The following SPIDR variants were observed in gnomAD, a reference collection of about 807,000 sequenced individuals.
SPIDR encodes DNA repair-scaffolding protein.
A neutral mutation model predicts 104.6 loss-of-function variants in SPIDR; 93 were observed. The ratio of observed to expected loss-of-function variants is 0.89; its 90% CI spans 0.75 to 1.06. The LOEUF is 1.06. Ranked by LOEUF, SPIDR falls within the 50% of genes least tolerant of loss-of-function variation. The probability of loss-of-function intolerance (pLI) is 0.00; values close to 1 mark genes in which losing one functional copy is unlikely to be tolerated. For synonymous variants in SPIDR, 431 were observed against 416.9 expected, an observed-to-expected ratio of 1.03 and a Z score of -0.41; for missense variants, 1,154 against 1,111.2, an observed-to-expected ratio of 1.04 and a Z score of -0.55.
intron 8 of SPIDR, among the ~76,000 whole-genome samples, chr8:47,569,515 A>G (rs1471612085): frequency 6.6e-6 from 1 of 152,206 alleles, no homozygotes; most frequent in Non-Finnish European, 1.5e-5. Context: ...TTGTTAAACC[A>G]TCAAACAAGT....
chr8:47,305,654 A>G (rs2042972374), intron 5 of SPIDR, among the ~76,000 whole-genome samples: 2 of 152,150 alleles, frequency 1.3e-5, no homozygotes, highest in East Asian at 3.9e-4. Context: ...AATTTTCTGT[A>G]TTTTTACTTA....
intron 8 of SPIDR, among the ~76,000 whole-genome samples, chr8:47,552,071 T>C (rs573003328): frequency 6.6e-6 from 1 of 152,328 alleles, no homozygotes; most frequent in South Asian, 2.1e-4. Context: ...TCCCATGTAG[T>C]AGAGTGGTTT....
At chr8:47,273,058 A>G (rs1586143101) in intron 1 of SPIDR, among the ~76,000 whole-genome samples, 1 of 152,162 alleles carries the variant, frequency 6.6e-6, no homozygotes, top group Admixed American at 6.5e-5. Context: ...TTATCCTGAC[A>G]CCAAGCATCC....
chr8:47,345,120 A>G (rs1230157088), intron 5 of SPIDR, among the ~76,000 whole-genome samples: 4 of 152,224 alleles, frequency 2.6e-5, no homozygotes, highest in South Asian at 2.1e-4. Context: ...TCTTTAATCC[A>G]TCTTGAAATA....
intron 9 of SPIDR, among the ~76,000 whole-genome samples, chr8:47,598,434 G>C (rs1352755633): frequency 6.6e-6 from 1 of 152,212 alleles, no homozygotes; most frequent in Admixed American, 6.5e-5. Context: ...CACTCTAGAA[G>C]TGTTGTTGTT....
At chr8:47,466,900 A>AAATATATAG (rs34970317) in intron 8 of SPIDR, among the ~76,000 whole-genome samples, 4 of 114,368 alleles carry the variant, frequency 3.5e-5, no homozygotes, top group African/African-American at 1.4e-4. Flanking sequence ...AAAAAAAAAA[A>AAATATATAG]ATATATATAT....
rs141725597 is a variant in SPIDR at position 47,647,457 on chromosome 8, A to G, written c.1545-26344A>G. Among the ~76,000 whole-genome samples the G allele has an allele frequency of 9.9e-3, 1,507 of 152,236 alleles. 28 individuals carry two copies. The highest frequency in any genetic ancestry group is 0.034 in the African/African-American group (1,392 of 41,530). ...TGGTGAAAACCTATCTCTACTAAAAATACAAAAATTAGCCAGGCGTGTTGG... is the reference window on the plus strand; with the variant it reads ...TGGTGAAAACCTATCTCTACTAAAAGTACAAAAATTAGCCAGGCGTGTTGG... On this transcript the variant is annotated intron_variant, in intron 10 of 19. Coordinates refer to ENST00000297423, the MANE Select transcript of SPIDR (RefSeq NM_001080394.4).
At chr8:47,559,282 A>T (rs2056768134) in intron 8 of SPIDR, among the ~76,000 whole-genome samples, 1 of 152,254 alleles carries the variant, frequency 6.6e-6, no homozygotes, top group Non-Finnish European at 1.5e-5. Flanking sequence ...TTCAGTACTG[A>T]ACAAATGTGT....
intron 6 of SPIDR, among the ~76,000 whole-genome samples, chr8:47,399,728 C>T (rs528358020): frequency 3.3e-5 from 5 of 152,188 alleles, no homozygotes; most frequent in South Asian, 4.1e-4. Flanking sequence ...ACAGGAGTTC[C>T]GAGAGTAGCA....
At chr8:47,731,028 C>A (rs547418185) in intron 19 of SPIDR, among the ~76,000 whole-genome samples, 2 of 152,110 alleles carry the variant, frequency 1.3e-5, no homozygotes, top group African/African-American at 4.8e-5. Context: ...GAGGCCGAGG[C>A]GGGCGGATCA....
intron 8 of SPIDR, among the ~76,000 whole-genome samples, chr8:47,476,206 T>C (rs2076273880): frequency 6.6e-6 from 1 of 152,164 alleles, no homozygotes; most frequent in African/African-American, 2.4e-5. Flanking sequence ...TGGTCTGTTG[T>C]GTCTACGCTC....
At chr8:47,550,207 C>T (rs925327454) in intron 8 of SPIDR, among the ~76,000 whole-genome samples, 2 of 152,266 alleles carry the variant, frequency 1.3e-5, no homozygotes, top group South Asian at 2.1e-4. Flanking sequence ...TGTGATACCT[C>T]CAGCTTTGGT....
chr8:47,281,326 A>G (rs1426509928), intron 2 of SPIDR, among the ~76,000 whole-genome samples: 2 of 152,166 alleles, frequency 1.3e-5, no homozygotes, highest in African/African-American at 2.4e-5. Context: ...AAATAAGGCA[A>G]AAGTGAAGTT....
At chr8:47,416,960 CT>C (rs1178509245) in intron 7 of SPIDR, among the ~76,000 whole-genome samples, 120 of 152,204 alleles carry the variant, frequency 7.9e-4, no homozygotes, top group African/African-American at 1.3e-3. Context: ...TGAACTCATC[CT>C]TTTTTTATGG....
At chr8:47,376,084 T>G (rs1182771597) in intron 5 of SPIDR, among the ~76,000 whole-genome samples, 1 of 152,224 alleles carries the variant, frequency 6.6e-6, no homozygotes, top group Non-Finnish European at 1.5e-5. Flanking sequence ...ACTTTGATTG[T>G]GTTAGACACA....
chr8:47,649,843 TAAAA>T (rs1219782821), intron 10 of SPIDR, among the ~76,000 whole-genome samples: 2 of 151,892 alleles, frequency 1.3e-5, no homozygotes, highest in South Asian at 4.2e-4. Flanking sequence ...ATTAACAAAA[TAAAA>T]AAACAAAAAT....
At chr8:47,345,156 G>T (rs2051647618) in intron 5 of SPIDR, among the ~76,000 whole-genome samples, 2 of 152,166 alleles carry the variant, frequency 1.3e-5, no homozygotes, top group Non-Finnish European at 2.9e-5. Context: ...GTAAGGAAGG[G>T]ATCCAGTTTC....
intron 5 of SPIDR, among the ~76,000 whole-genome samples, chr8:47,370,509 C>T (rs1380269600): frequency 6.0e-5 from 8 of 133,044 alleles, no homozygotes; most frequent in African/African-American, 2.1e-4. Context: ...TGCAATGGTG[C>T]GATCTGGGCT....
chr8:47,487,207 A>G (rs1026855287), intron 8 of SPIDR, among the ~76,000 whole-genome samples: 2 of 152,112 alleles, frequency 1.3e-5, no homozygotes, highest in Non-Finnish European at 2.9e-5. Context: ...TTGCAATCCT[A>G]GTCTCTCATG....
Sources: allele counts gnomAD v4.1 joint callset (sites outside exome capture counted in the v4.1 genomes callset), GRCh38; gene constraint gnomAD v4.1.1; transcripts MANE v1.5; gene names NCBI Gene and HGNC (gene_info 2026-07-23, HGNC 2026-07-21).